Variants in GRIN3A observed in about 807,000 individuals in gnomAD.
GRIN3A encodes the protein glutamate receptor ionotropic, NMDA 3A.
Under a neutral mutation model 92.4 loss-of-function variants are expected in GRIN3A, and 47 were observed. The ratio of observed to expected loss-of-function variants is 0.51; its 90% confidence interval spans 0.40 to 0.65. The LOEUF (loss-of-function observed/expected upper bound fraction) is 0.65. Ranked by LOEUF, GRIN3A falls within the 30% of genes least tolerant of loss-of-function variation. The probability of loss-of-function intolerance (pLI) is 0.00; values close to 1 mark genes in which losing one functional copy is unlikely to be tolerated. For missense variants in GRIN3A, 1,324 were observed against 1,393.1 expected (o/e 0.95, Z 0.79); for synonymous variants, 527 against 540.6 (o/e 0.97, Z 0.35).
chr9:101,665,667 G>T (rs923171434), intron 3 of GRIN3A, among the ~76,000 whole-genome samples: 5 of 151,642 alleles, frequency 3.3e-5, no homozygotes, highest in African/African-American at 1.2e-4. Context: ...TTCGGCTTAC[G>T]GCAGAAAAAC....
intron 6 of GRIN3A, among the ~76,000 whole-genome samples, chr9:101,596,336 T>C (rs1280324475): frequency 6.6e-6 from 1 of 151,998 alleles, no homozygotes; most frequent in Non-Finnish European, 1.5e-5. Context: ...AATTAGACTG[T>C]TATATTGGAA....
intron 3 of GRIN3A, among the ~76,000 whole-genome samples, chr9:101,645,870 T>G (rs1828931493): frequency 2.6e-5 from 4 of 151,740 alleles, no homozygotes; most frequent in Admixed American, 2.6e-4. Flanking sequence ...CTATGTCTTC[T>G]TTTGAAAAAT....
chr9:101,601,817 C>T (rs573825930), intron 6 of GRIN3A, among the ~76,000 whole-genome samples: 4 of 152,286 alleles, frequency 2.6e-5, no homozygotes, highest in South Asian at 4.1e-4. Flanking sequence ...ATACTGGATT[C>T]GGGGTTCACT....
chr9:101,652,426 A>G (rs1829026011), intron 3 of GRIN3A, among the ~76,000 whole-genome samples: 2 of 151,966 alleles, frequency 1.3e-5, no homozygotes, highest in South Asian at 4.1e-4. Context: ...GGATTAAGAA[A>G]AAAAGGAATG....
intron 6 of GRIN3A, among the ~76,000 whole-genome samples, chr9:101,588,711 G>A (rs564835541): frequency 6.6e-6 from 1 of 152,160 alleles, no homozygotes; most frequent in South Asian, 2.1e-4. Context: ...ATATTCTTCA[G>A]AGTTCTAAAC....
chr9:101,729,507 C>T (rs922429985), intron 1 of GRIN3A, among the ~76,000 whole-genome samples: 41 of 152,142 alleles, frequency 2.7e-4, no homozygotes. Flanking sequence ...CACATTGTCA[C>T]ATCGCCTTGT....
chr9:101,699,984 G>A lies in GRIN3A; in HGVS notation c.700-12784C>T, dbSNP rs183321081. 7.2e-5 allele frequency among the ~76,000 whole-genome samples: 11 copies of A among 152,084 alleles called. No individual in the cohort carries two copies. The East Asian group carries it at 7.7e-4, about 11-fold the overall frequency. ...AAGGCTGTGTTCAGGTTTCTTATGC[G>A]GTTAAACATCCCTTTCCTGCCTCAT... On this transcript the variant is annotated intron_variant, in intron 1 of 8. Transcript: ENST00000361820.
At chr9:101,707,603 T>C (rs1053586714) in intron 1 of GRIN3A, among the ~76,000 whole-genome samples, 1 of 152,342 alleles carries the variant, frequency 6.6e-6, no homozygotes, top group South Asian at 2.1e-4. Flanking sequence ...ATCTCTATAG[T>C]TTAAGCAACA....
chr9:101,586,694 G>A (rs796134536), intron 6 of GRIN3A, among the ~76,000 whole-genome samples: 1 of 152,242 alleles, frequency 6.6e-6, no homozygotes, highest in African/African-American at 2.4e-5. Flanking sequence ...GTTTTCTTAG[G>A]ATCCTTTCTT....
chr9:101,584,481 A>G (rs1268840618), intron 6 of GRIN3A, among the ~76,000 whole-genome samples: 1 of 152,228 alleles, frequency 6.6e-6, no homozygotes, highest in African/African-American at 2.4e-5. Context: ...TAAATGCTTT[A>G]TGTTATGCAG....
At chr9:101,610,835 A>T (rs578123246) in intron 6 of GRIN3A, among the ~76,000 whole-genome samples, 3 of 152,284 alleles carry the variant, frequency 2.0e-5, no homozygotes, top group African/African-American at 7.2e-5. Context: ...GCGGTGGCTC[A>T]TGCCTGTAAT....
At chr9:101,611,135 C>A (rs1828362768) in intron 6 of GRIN3A, among the ~76,000 whole-genome samples, 1 of 150,748 alleles carries the variant, frequency 6.6e-6, no homozygotes, top group Non-Finnish European at 1.5e-5. Flanking sequence ...AACAAAAAAA[C>A]CAGAAATGTA....
At chr9:101,711,618 G>A (rs554634654) in intron 1 of GRIN3A, among the ~76,000 whole-genome samples, 18 of 152,284 alleles carry the variant, frequency 1.2e-4, no homozygotes, top group African/African-American at 4.3e-4. Context: ...TTTGCTTTCT[G>A]TGGGTTACCT....
At chr9:101,678,740 A>G (rs997299814) in intron 2 of GRIN3A, among the ~76,000 whole-genome samples, 4 of 152,102 alleles carry the variant, frequency 2.6e-5, no homozygotes, top group Non-Finnish European at 5.9e-5. Context: ...CTGTGTTACT[A>G]TTGGTGTGTA....
intron 6 of GRIN3A, among the ~76,000 whole-genome samples, chr9:101,600,346 G>A (rs1828195659): frequency 6.6e-6 from 1 of 152,134 alleles, no homozygotes; most frequent in African/African-American, 2.4e-5. Context: ...AATTATTGAG[G>A]ATCTACTATG....
intron 2 of GRIN3A, among the ~76,000 whole-genome samples, chr9:101,673,997 G>T (rs141040189): frequency 1.3e-5 from 2 of 152,256 alleles, no homozygotes; most frequent in African/African-American, 4.8e-5. Flanking sequence ...AGAGGAGGAA[G>T]TGCCAGAGCT....
Position 101,670,314 on chromosome 9 carries a change from G to C in GRIN3A, c.2098C>G (p.Pro700Ala). The change falls in exon 3 of 9, where the codon CCA (proline) becomes GCA (alanine). Residue 700 changes from proline to alanine, a missense_variant. Physicochemically the swap from Pro to Ala is conservative, Grantham distance 27 (BLOSUM62 -1). Transcript: ENST00000361820. ...VFLTLYEWKS[P>A]FGLTPKGRNR... ...CGCCCCTTGGGAGTCAAACCAAATG[G>C]ACTCTTCCATTCATACAGAGTGAGG... 6.2e-7 allele frequency: 1 copy of C among 1,613,998 alleles called. No individual in the cohort carries two copies. The highest frequency in any genetic ancestry group is 8.5e-7 in the Non-Finnish European group (1 of 1,179,966).
chr9:101,729,843 C>G (rs1194857856), intron 1 of GRIN3A, among the ~76,000 whole-genome samples: 3 of 152,144 alleles, frequency 2.0e-5, no homozygotes, highest in African/African-American at 7.2e-5. Flanking sequence ...AAATGCCACA[C>G]AAACCTGAAG....
At chr9:101,582,449 C>T (rs959724968) in intron 6 of GRIN3A, among the ~76,000 whole-genome samples, 2 of 152,098 alleles carry the variant, frequency 1.3e-5, no homozygotes, top group East Asian at 1.9e-4. Context: ...CCCAGCCCTA[C>T]GAAACAAGGA....
Sources: gnomAD v4.1 joint callset for allele counts (sites outside exome capture counted in the v4.1 genomes callset) on GRCh38, gnomAD v4.1.1 for gene constraint, MANE v1.5 for transcripts, NCBI Gene and HGNC (gene_info 2026-07-23, HGNC 2026-07-21) for gene names.